Variants in MS4A4E observed in about 807,000 individuals in gnomAD.
The protein encoded by MS4A4E is putative membrane-spanning 4-domains subfamily A member 4E.
Under a neutral mutation model 13.3 loss-of-function variants are expected in MS4A4E, and 23 were observed. The observed-to-expected ratio is 1.73, with a 90% confidence interval of 1.25 to 2.45. The LOEUF (loss-of-function observed/expected upper bound fraction) is 2.45, where lower values mean the gene tolerates loss of function less well. Among genes scored for constraint, MS4A4E ranks in the 30% most tolerant of loss-of-function variants. The pLI is 0.00. For missense variants in MS4A4E, 144 were observed against 131.2 expected (o/e 1.10, Z -0.48); for synonymous variants, 36 against 45.6 (o/e 0.79, Z 0.85).
intron 3 of MS4A4E, among the ~76,000 whole-genome samples, chr11:60,217,795 G>A (rs1413443883): frequency 6.6e-6 from 1 of 152,114 alleles, no homozygotes; most frequent in Non-Finnish European, 1.5e-5. Flanking sequence ...CCTGTCAGCT[G>A]AGGAAGATGT....
At position 60,206,765 on chromosome 11, in the gene MS4A4E, T is replaced by G. The variant is rs533094114; in HGVS notation, c.484-945A>C. ...GCACAAACAATCAGAATGCCATAGGTGAGTCACCCAAATCACCTCAGAGTG... is the reference window on the plus strand; with the variant it reads ...GCACAAACAATCAGAATGCCATAGGGGAGTCACCCAAATCACCTCAGAGTG... On this transcript the variant is annotated intron_variant, in intron 6 of 8. Transcript: ENST00000651255. 297 of 232,582 alleles carry G rather than the reference T, an allele frequency of 1.3e-3. 2 individuals carry two copies. The highest frequency in any genetic ancestry group is 6.0e-3 in the African/African-American group (262 of 43,366). 14.4% of individuals were successfully genotyped at this position (232,582 alleles called of 1,614,324 possible).
chr11:60,218,821 C>G (rs1372217911), intron 3 of MS4A4E, among the ~76,000 whole-genome samples: 1 of 152,140 alleles, frequency 6.6e-6, no homozygotes, highest in Non-Finnish European at 1.5e-5. Flanking sequence ...AAGCAGAAAT[C>G]TGGAAAACAG....
Position 60,243,018 on chromosome 11 carries a change from C to A in MS4A4E, c.-77G>T. 1 of 1,515,884 alleles carries A rather than the reference C, an allele frequency of 6.6e-7. No individual in the cohort carries two copies. Among genetic ancestry groups the A allele is most frequent in the Non-Finnish European group, 9.0e-7 (1 of 1,115,706 alleles). 93.9% of individuals were successfully genotyped at this position (1,515,884 alleles called of 1,614,324 possible). A position where few individuals can be genotyped will look rare whatever the true frequency, so the allele number is the denominator to read the frequency against. On this transcript the variant is annotated 5_prime_UTR_variant, in exon 1 of 9. Transcript: ENST00000651255. ...ATGAGTGCAGGGCTCTGGGCAAGTT[C>A]CTCAAAGTTCTTTGTTCCAGACACA...
intron 3 of MS4A4E, among the ~76,000 whole-genome samples, chr11:60,216,531 A>G (rs775353721): frequency 6.6e-6 from 1 of 152,054 alleles, no homozygotes; most frequent in Non-Finnish European, 1.5e-5. Context: ...TACACATAAA[A>G]AGCACTTAGC....
At chr11:60,218,655 A>G (rs1231375387) in intron 3 of MS4A4E, among the ~76,000 whole-genome samples, 1 of 152,110 alleles carries the variant, frequency 6.6e-6, no homozygotes, top group African/African-American at 2.4e-5. Context: ...AAGCAAGACA[A>G]TGTTGATTCT....
chr11:60,207,766 T>A (rs2084066259), intron 6 of MS4A4E, among the ~76,000 whole-genome samples: 1 of 152,218 alleles, frequency 6.6e-6, no homozygotes, highest in South Asian at 2.1e-4. Flanking sequence ...TCTTAGAGCC[T>A]CTTTCTTGAT....
chr11:60,206,108 G>C, intron 6 of MS4A4E, among the ~76,000 whole-genome samples: 1 of 152,082 alleles, frequency 6.6e-6, no homozygotes, highest in Non-Finnish European at 1.5e-5. Context: ...GAAGGAAAAG[G>C]ATGGGGGAGA....
At chr11:60,213,343 A>G in intron 4 of MS4A4E, 2 of 1,514,134 alleles carry the variant, frequency 1.3e-6, no homozygotes, top group Non-Finnish European at 1.8e-6. Flanking sequence ...CTGTGAGAAG[A>G]TGAGATAATC....
At chr11:60,241,498 A>T (rs1230970367) in intron 1 of MS4A4E, among the ~76,000 whole-genome samples, 1 of 152,182 alleles carries the variant, frequency 6.6e-6, no homozygotes, top group Non-Finnish European at 1.5e-5. Flanking sequence ...ATATCAAATT[A>T]AGGCTTATAA....
rs1031009070 is a variant in MS4A4E at position 60,200,776 on chromosome 11, C to A, written c.*767G>T. Among the ~76,000 whole-genome samples, 7 of 152,264 alleles carry A rather than the reference C, an allele frequency of 4.6e-5. No homozygotes were observed. The highest frequency in any genetic ancestry group is 1.3e-4 in the Admixed American group (2 of 15,292). Reference sequence around the variant, plus strand: ...TCTATTCCACAAAACCGCCATTGTCCTCATGGCCCGTTCTCAATGAGCTAT... The same window carrying A: ...TCTATTCCACAAAACCGCCATTGTCATCATGGCCCGTTCTCAATGAGCTAT... On this transcript the variant is annotated 3_prime_UTR_variant, in exon 9 of 9. Transcript: ENST00000651255.
chr11:60,231,504 C>T (rs1298091631), intron 1 of MS4A4E, among the ~76,000 whole-genome samples: 1 of 151,986 alleles, frequency 6.6e-6, no homozygotes. Flanking sequence ...ACTAAAATCT[C>T]TATAAGTCAG....
At chr11:60,234,175 T>C (rs1284143378) in intron 1 of MS4A4E, among the ~76,000 whole-genome samples, 1 of 152,152 alleles carries the variant, frequency 6.6e-6, no homozygotes, top group Non-Finnish European at 1.5e-5. Flanking sequence ...GCTGGAAACA[T>C]TTGCCTCCAG....
chr11:60,218,201 T>C (rs1590714032), intron 3 of MS4A4E, among the ~76,000 whole-genome samples: 1 of 152,288 alleles, frequency 6.6e-6, no homozygotes, highest in African/African-American at 2.4e-5. Flanking sequence ...TCCCGCCTAA[T>C]AAATTTTTGG....
At chr11:60,220,920 G>T (rs1048684867) in intron 3 of MS4A4E, among the ~76,000 whole-genome samples, 1 of 152,174 alleles carries the variant, frequency 6.6e-6, no homozygotes. Flanking sequence ...TCCAGGACAG[G>T]AGAAGGCTCT....
At position 60,242,992 on chromosome 11, in the gene MS4A4E, G is replaced by A. The variant is rs2084569633; in HGVS notation, c.-51C>T. On this transcript the variant is annotated 5_prime_UTR_variant, in exon 1 of 9. Coordinates refer to ENST00000651255, the MANE Select transcript of MS4A4E (RefSeq NM_001393391.1). ...GGCCTGCAATGTCTGCTGCAGGTCT[G>A]ATGAGTGCAGGGCTCTGGGCAAGTT... 1.9e-6 allele frequency: 3 copies of A among 1,581,304 alleles called. No homozygotes were observed. Among genetic ancestry groups the A allele is most frequent in the Admixed American group, 3.4e-5 (2 of 58,838 alleles).
chr11:60,232,770 A>G (rs2084428806), intron 1 of MS4A4E, among the ~76,000 whole-genome samples: 1 of 152,142 alleles, frequency 6.6e-6, no homozygotes, highest in South Asian at 2.1e-4. Flanking sequence ...TTCAGGAGTG[A>G]GTAGCCATTG....
At chr11:60,211,954 A>T (rs748980840) in intron 5 of MS4A4E, among the ~76,000 whole-genome samples, 6 of 152,234 alleles carry the variant, frequency 3.9e-5, no homozygotes, top group Non-Finnish European at 7.4e-5. Flanking sequence ...TAATAATAAT[A>T]ATTATAAAGA....
chr11:60,207,217 T>C (rs2084059352), intron 6 of MS4A4E, among the ~76,000 whole-genome samples: 1 of 152,066 alleles, frequency 6.6e-6, no homozygotes, highest in Admixed American at 6.5e-5. Flanking sequence ...CAACATTCGA[T>C]TGGTAGGGCA....
intron 4 of MS4A4E, among the ~76,000 whole-genome samples, chr11:60,213,517 G>T (rs747579416): frequency 6.6e-6 from 1 of 151,882 alleles, no homozygotes; most frequent in Non-Finnish European, 1.5e-5. Context: ...TATTTTTCTC[G>T]GTTGTGTATT....
Sources: allele counts gnomAD v4.1 joint callset (sites outside exome capture counted in the v4.1 genomes callset), GRCh38; gene constraint gnomAD v4.1.1; transcripts MANE v1.5; gene names NCBI Gene and HGNC (gene_info 2026-07-23, HGNC 2026-07-21).